The following PCDHA12 variants were observed in gnomAD, a reference collection of about 807,000 sequenced individuals.
PCDHA12 encodes protocadherin alpha 12, also known as protocadherin alpha-12.
A neutral mutation model predicts 60.0 loss-of-function variants in PCDHA12; 44 were observed. The observed-to-expected ratio is 0.73, with a 90% confidence interval of 0.58 to 0.94. The LOEUF is 0.94. Ranked by LOEUF, PCDHA12 falls within the 40% of genes least tolerant of loss-of-function variation. The probability of loss-of-function intolerance (pLI) is 0.00; values close to 1 mark genes in which losing one functional copy is unlikely to be tolerated. For synonymous variants in PCDHA12, 569 were observed against 553.0 expected, an observed-to-expected ratio of 1.03 and a Z score of -0.40; for missense variants, 1,276 against 1,239.7, an observed-to-expected ratio of 1.03 and a Z score of -0.44.
At chr5:140,986,163 G>A (rs1186387690) in intron 3 of PCDHA12, among the ~76,000 whole-genome samples, 1 of 152,212 alleles carries the variant, frequency 6.6e-6, no homozygotes, top group African/African-American at 2.4e-5. Flanking sequence ...AATGTTTTCT[G>A]CAGGATAAAC....
chr5:140,941,255 C>CTTTCTTTCTTTCTTTCTTTCTT (rs782490896), intron 1 of PCDHA12, among the ~76,000 whole-genome samples: 2 of 44,508 alleles, frequency 4.5e-5, no homozygotes, highest in African/African-American at 1.4e-4. Context: ...TTCTTTCTTT[C>CTTTCTTTCTTTCTTTCTTTCTT]TCTTTCTTTC....
At position 140,974,721 on chromosome 5, in the gene PCDHA12, G is replaced by A. The variant is rs1033117636; in HGVS notation, c.2368-4228G>A. 3.9e-5 allele frequency among the ~76,000 whole-genome samples: 6 copies of A among 152,050 alleles called. No homozygotes were observed. In the East Asian group the frequency reaches 1.2e-3, roughly 29 times the overall value. On this transcript the variant is annotated intron_variant, in intron 1 of 3. Transcript: ENST00000398631. ...TCACCATGTTGTTCAAGCTGCTCTCGAACTCCTGTCTCCACCTTGGCCTCC... is the reference window on the plus strand; with the variant it reads ...TCACCATGTTGTTCAAGCTGCTCTCAAACTCCTGTCTCCACCTTGGCCTCC...
intron 1 of PCDHA12, among the ~76,000 whole-genome samples, chr5:140,971,962 T>C (rs1392143830): frequency 6.6e-6 from 1 of 152,150 alleles, no homozygotes; most frequent in Non-Finnish European, 1.5e-5. Context: ...CAAAAACTTT[T>C]TTTCAATACT....
intron 1 of PCDHA12, among the ~76,000 whole-genome samples, chr5:140,878,691 A>G (rs2057689901): frequency 6.6e-6 from 1 of 152,168 alleles, no homozygotes; most frequent in Non-Finnish European, 1.5e-5. Context: ...AGTCTTACAT[A>G]CCCCAGCCTG....
chr5:140,967,212 C>T, intron 1 of PCDHA12: 1 of 1,613,630 alleles, frequency 6.2e-7, no homozygotes, highest in Middle Eastern at 1.6e-4. Flanking sequence ...CCGCGTTTCC[C>T]GCGGCCCAAC....
At chr5:140,989,373 C>A (rs1189877807) in intron 3 of PCDHA12, among the ~76,000 whole-genome samples, 1 of 152,088 alleles carries the variant, frequency 6.6e-6, no homozygotes, top group Non-Finnish European at 1.5e-5. Context: ...TGACTGAGAG[C>A]TTTGTGGGAA....
At chr5:140,886,201 T>C (rs1224274096) in intron 1 of PCDHA12, among the ~76,000 whole-genome samples, 2 of 152,140 alleles carry the variant, frequency 1.3e-5, no homozygotes, top group African/African-American at 2.4e-5. Flanking sequence ...AGTAATCTGT[T>C]CTCCATTTCT....
chr5:140,882,582 A>G (rs1554174663), intron 1 of PCDHA12: 1 of 1,614,114 alleles, frequency 6.2e-7, no homozygotes, highest in East Asian at 2.2e-5. Context: ...TGCAGCATCC[A>G]CCTGGAGGTG....
intron 3 of PCDHA12, among the ~76,000 whole-genome samples, chr5:140,995,186 A>T (rs2097669011): frequency 6.6e-6 from 1 of 152,132 alleles, no homozygotes; most frequent in Non-Finnish European, 1.5e-5. Flanking sequence ...ACCTATGATA[A>T]AGTTTAATTT....
At chr5:140,925,833 CG>C (rs2082756406) in intron 1 of PCDHA12, among the ~76,000 whole-genome samples, 1 of 152,070 alleles carries the variant, frequency 6.6e-6, no homozygotes, top group Admixed American at 6.5e-5. Flanking sequence ...GGGGACGGGT[CG>C]TCAAGTCTTT....
intron 1 of PCDHA12, among the ~76,000 whole-genome samples, chr5:140,951,147 AATATAGT>A (rs1554219760): frequency 9.9e-6 from 1 of 100,716 alleles, no homozygotes; most frequent in African/African-American, 4.8e-5. Flanking sequence ...TATCTTATTG[AATATAGT>A]TATAGTAGCT....
chr5:141,000,774 G>A (rs1399583734), intron 3 of PCDHA12, among the ~76,000 whole-genome samples: 1 of 151,828 alleles, frequency 6.6e-6, no homozygotes, highest in Non-Finnish European at 1.5e-5. Context: ...AGGCATAGTG[G>A]CGCACACCTG....
Position 140,917,751 on chromosome 5 carries a change from A to G in PCDHA12, c.2367+39912A>G, listed in dbSNP as rs577892904. On this transcript the variant is annotated intron_variant, in intron 1 of 3. Coordinates refer to ENST00000398631, the MANE Select transcript of PCDHA12 (RefSeq NM_018903.4). ...GTTCTCTAACCTGTCCCATTGGTCT[A>G]TGTGTCTGTTTTTGTATTAGTACCA... is the stretch of plus-strand genomic sequence containing the variant. Among the ~76,000 whole-genome samples the G allele has an allele frequency of 3.7e-4, 56 of 152,178 alleles. 2 individuals are homozygous for G. The highest frequency in any genetic ancestry group is 1.3e-3 in the African/African-American group (55 of 41,522).
intron 1 of PCDHA12, chr5:140,883,930 C>A: frequency 2.5e-6 from 4 of 1,613,066 alleles, no homozygotes; most frequent in Non-Finnish European, 3.4e-6. Flanking sequence ...TGCAGGTGTT[C>A]GTGCTGGACG....
chr5:140,934,004 T>G (rs556218652), intron 1 of PCDHA12, among the ~76,000 whole-genome samples: 1 of 152,204 alleles, frequency 6.6e-6, no homozygotes, highest in Non-Finnish European at 1.5e-5. Flanking sequence ...CCTCTCATTT[T>G]TCTTGACTAG....
chr5:140,982,545 G>C lies in PCDHA12; in HGVS notation c.2497G>C (p.Val833Leu), dbSNP rs782544627. The change falls in exon 3 of 4, where the codon GTA becomes CTA. Residue 833 changes from valine (V) to leucine (L), a missense_variant. Val to Leu is a conservative substitution (Grantham distance 32). Transcript: ENST00000398631. The stretch of plus-strand genomic sequence containing the variant: ...AGGGCCTGATCAGCAGTGGCCAACA[G>C]TATCCAGTGCAACACCAGGTAAAGA... ...PGGPDQQWPT[V>L]SSATPEPEAG... The C allele has an allele frequency of 6.2e-6, 10 of 1,614,088 alleles. No individual in the cohort carries two copies. The East Asian group carries it at 2.2e-4, about 36-fold the overall frequency.
intron 1 of PCDHA12, among the ~76,000 whole-genome samples, chr5:140,905,043 A>T (rs782694794): frequency 1.5e-4 from 23 of 152,126 alleles, no homozygotes; most frequent in Non-Finnish European, 5.9e-5. Flanking sequence ...TAGTTTAATT[A>T]GGTCCCATTT....
intron 3 of PCDHA12, among the ~76,000 whole-genome samples, chr5:140,984,330 A>C (rs2097097334): frequency 6.6e-6 from 1 of 152,204 alleles, no homozygotes; most frequent in Admixed American, 6.5e-5. Context: ...CAAATGTGGA[A>C]TAGGAACCAT....
At chr5:140,985,579 C>T (rs2097158687) in intron 3 of PCDHA12, among the ~76,000 whole-genome samples, 1 of 152,084 alleles carries the variant, frequency 6.6e-6, no homozygotes, top group African/African-American at 2.4e-5. Context: ...GTGCCTAAGC[C>T]TCCTTATACT....
Sources: allele counts gnomAD v4.1 joint callset (sites outside exome capture counted in the v4.1 genomes callset), GRCh38; gene constraint gnomAD v4.1.1; transcripts MANE v1.5; gene names NCBI Gene and HGNC (gene_info 2026-07-23, HGNC 2026-07-21).